The following NTRK2 variants were observed in gnomAD, a reference collection of about 807,000 sequenced individuals.
NTRK2 encodes the protein neurotrophic receptor tyrosine kinase 2, also known as BDNF/NT-3 growth factors receptor.
A neutral mutation model predicts 94.5 loss-of-function variants in NTRK2; 13 were observed. That is an observed-to-expected ratio of 0.14 (90% CI 0.09 to 0.22). NTRK2 has a LOEUF of 0.22. Ranked by LOEUF, NTRK2 falls within the 10% of genes least tolerant of loss-of-function variation. NTRK2 has a pLI of 1.00. For synonymous variants in NTRK2, 372 were observed against 407.4 expected (o/e 0.91, Z 1.05); for missense variants, 639 against 1,071.2 (o/e 0.60, Z 5.63).
intron 12 of NTRK2, among the ~76,000 whole-genome samples, chr9:84,845,275 AC>A (rs2074411639): frequency 6.6e-6 from 1 of 151,946 alleles, no homozygotes; most frequent in African/African-American, 2.4e-5. Context: ...ACACACACAC[AC>A]ACACACACGG....
chr9:84,868,708 C>T (rs546665504), intron 14 of NTRK2, among the ~76,000 whole-genome samples: 4 of 152,246 alleles, frequency 2.6e-5, no homozygotes, highest in Admixed American at 6.5e-5. Flanking sequence ...TAAAATGTGC[C>T]TTCTTTGATG....
At chr9:85,006,977 A>G (rs1564544997) in intron 17 of NTRK2, among the ~76,000 whole-genome samples, 1 of 152,112 alleles carries the variant, frequency 6.6e-6, no homozygotes, top group African/African-American at 2.4e-5. Flanking sequence ...TTCATACAGT[A>G]TTGCCCACCT....
chr9:84,811,430 T>A (rs181892926), intron 12 of NTRK2: 1 of 1,065,928 alleles, frequency 9.4e-7, no homozygotes, highest in East Asian at 5.0e-5. Flanking sequence ...AATATATGCA[T>A]ATGGTGAAAT....
chr9:84,875,330 T>C, intron 14 of NTRK2: 7 of 1,059,746 alleles, frequency 6.6e-6, no homozygotes, highest in Non-Finnish European at 8.0e-6. Context: ...GGTCTGGCCA[T>C]AGCTGGCCAC....
intron 12 of NTRK2, chr9:84,811,277 A>G: frequency 9.4e-7 from 1 of 1,061,146 alleles, no homozygotes; most frequent in Non-Finnish European, 1.1e-6. Flanking sequence ...CTTAGCCAGC[A>G]AAACAAAACA....
At chr9:84,796,439 A>G (rs1447293625) in intron 12 of NTRK2, among the ~76,000 whole-genome samples, 2 of 152,198 alleles carry the variant, frequency 1.3e-5, no homozygotes, top group African/African-American at 4.8e-5. Flanking sequence ...TAGTTTCAAG[A>G]GGTGCTGGGA....
intron 17 of NTRK2, among the ~76,000 whole-genome samples, chr9:84,986,562 T>C (rs1410899771): frequency 6.6e-6 from 1 of 152,218 alleles, no homozygotes; most frequent in Non-Finnish European, 1.5e-5. Context: ...CCAGTACCAG[T>C]CCATGGCCTG....
chr9:84,721,295 C>A (rs1379455262), intron 6 of NTRK2, among the ~76,000 whole-genome samples: 1 of 152,030 alleles, frequency 6.6e-6, no homozygotes, highest in Admixed American at 6.6e-5. Flanking sequence ...CCTGCCTCAG[C>A]CTCCCAAGTA....
intron 14 of NTRK2, among the ~76,000 whole-genome samples, chr9:84,909,371 G>T (rs1367674397): frequency 6.6e-6 from 1 of 152,098 alleles, no homozygotes; most frequent in Admixed American, 6.6e-5. Context: ...TATGGATAAA[G>T]GTGCTATAAA....
chr9:84,802,191 A>G (rs2070552235), intron 12 of NTRK2, among the ~76,000 whole-genome samples: 1 of 152,286 alleles, frequency 6.6e-6, no homozygotes, highest in Non-Finnish European at 1.5e-5. Flanking sequence ...CCAGTGTCTT[A>G]GGTCTGGTTG....
intron 12 of NTRK2, among the ~76,000 whole-genome samples, chr9:84,753,519 C>T (rs1418512757): frequency 6.6e-6 from 1 of 152,156 alleles, no homozygotes; most frequent in East Asian, 1.9e-4. Context: ...CTGTTCTCTA[C>T]AATAAACATG....
chr9:84,916,122 A>C (rs2077385857), intron 14 of NTRK2, among the ~76,000 whole-genome samples: 1 of 151,936 alleles, frequency 6.6e-6, no homozygotes, highest in Admixed American at 6.6e-5. Context: ...CTCTGTTCCA[A>C]GGCTCTCCAG....
intron 2 of NTRK2, among the ~76,000 whole-genome samples, chr9:84,679,888 G>A (rs577225122): frequency 6.9e-4 from 105 of 152,224 alleles, no homozygotes; most frequent in Non-Finnish European, 1.3e-3. Flanking sequence ...CCCTTCCATG[G>A]TTTCCCACCA....
At chr9:85,000,722 A>C (rs1375323039) in intron 17 of NTRK2, among the ~76,000 whole-genome samples, 1 of 152,204 alleles carries the variant, frequency 6.6e-6, no homozygotes, top group African/African-American at 2.4e-5. Flanking sequence ...GGGTGTAGAC[A>C]TTCATGTGCA....
At chr9:84,721,241 G>A (rs1005103270) in intron 6 of NTRK2, among the ~76,000 whole-genome samples, 1 of 151,292 alleles carries the variant, frequency 6.6e-6, no homozygotes, top group Non-Finnish European at 1.5e-5. Flanking sequence ...AATGGCGCGA[G>A]CTTGGCTCAC....
intron 12 of NTRK2, among the ~76,000 whole-genome samples, chr9:84,860,012 C>G (rs1178049658): frequency 6.6e-6 from 1 of 152,186 alleles, no homozygotes; most frequent in Non-Finnish European, 1.5e-5. Context: ...CCTACCTTTA[C>G]CCTTGAACAA....
intron 6 of NTRK2, among the ~76,000 whole-genome samples, chr9:84,715,562 T>A (rs1252309340): frequency 6.6e-6 from 1 of 152,204 alleles, no homozygotes; most frequent in Non-Finnish European, 1.5e-5. Context: ...AAAACTTTGT[T>A]AATTGCAAGG....
At chr9:84,834,083 G>T (rs1326272874) in intron 12 of NTRK2, among the ~76,000 whole-genome samples, 1 of 152,168 alleles carries the variant, frequency 6.6e-6, no homozygotes, top group African/African-American at 2.4e-5. Flanking sequence ...TTCTAGCTTA[G>T]CTGGAGAGGT....
intron 2 of NTRK2, among the ~76,000 whole-genome samples, chr9:84,701,359 T>C (rs1021345686): frequency 6.6e-6 from 1 of 152,248 alleles, no homozygotes; most frequent in Non-Finnish European, 1.5e-5. Context: ...ATCCTTCAGC[T>C]ATGATCCCAG....
Sources: allele counts gnomAD v4.1 joint callset (sites outside exome capture counted in the v4.1 genomes callset), GRCh38; gene constraint gnomAD v4.1.1; transcripts MANE v1.5; gene names NCBI Gene and HGNC (gene_info 2026-07-23, HGNC 2026-07-21).